The following AGAP1 variants were observed in gnomAD, a reference collection of about 807,000 sequenced individuals.
AGAP1 encodes the protein arf-GAP with GTPase, ANK repeat and PH domain-containing protein 1.
In AGAP1, 29 loss-of-function variants were observed where a neutral mutation model predicts 105.3. That is an observed-to-expected ratio of 0.28 (90% CI 0.21 to 0.38). The LOEUF (loss-of-function observed/expected upper bound fraction) is 0.38, where lower values mean the gene tolerates loss of function less well. Among genes scored for constraint, AGAP1 ranks in the 10% least tolerant of loss-of-function variants. The pLI is 1.00. For synonymous variants in AGAP1, 509 were observed against 485.9 expected (o/e 1.05, Z -0.63); for missense variants, 998 against 1,165.1 (o/e 0.86, Z 2.09).
At position 235,814,683 on chromosome 2, in the gene AGAP1, G is replaced by A. The variant is rs1007377605; in HGVS notation, c.1050+7352G>A. Among the ~76,000 whole-genome samples the A allele has an allele frequency of 2.6e-5, 4 of 152,254 alleles. No individual in the cohort carries two copies. In the East Asian group the frequency reaches 7.7e-4, roughly 29 times the overall value. On this transcript the variant is annotated intron_variant, in intron 9 of 17. Transcript: ENST00000304032. ...GTGAATTCTACTGAGTTAGACAGGA[G>A]AGGGTGAGGGAAGGACAGGGAAATG...
rs115993102 is a variant in AGAP1, at chr2:235,870,275, C to T, written c.1051-13070C>T. Among the ~76,000 whole-genome samples the T allele has an allele frequency of 9.6e-4, 146 of 152,262 alleles. 1 individual carries two copies. Among genetic ancestry groups the T allele is most frequent in the African/African-American group, 3.1e-3 (127 of 41,534 alleles). On this transcript the variant is annotated intron_variant, in intron 9 of 17. Transcript: ENST00000304032. Reference sequence around the variant, plus strand: ...TCCTCCCCATCGGAAGACCACGATACGCAGGGGACAAGTTATCTCACACAC... The same window carrying T: ...TCCTCCCCATCGGAAGACCACGATATGCAGGGGACAAGTTATCTCACACAC...
intron 13 of AGAP1, among the ~76,000 whole-genome samples, chr2:236,024,670 G>A (rs564563902): frequency 2.3e-4 from 35 of 152,300 alleles, no homozygotes; most frequent in East Asian, 1.5e-3. Flanking sequence ...TTGACAGCCC[G>A]GATTCATGTA....
At chr2:235,592,138 T>C (rs1050892396) in intron 1 of AGAP1, among the ~76,000 whole-genome samples, 1 of 152,214 alleles carries the variant, frequency 6.6e-6, no homozygotes, top group Admixed American at 6.5e-5. Context: ...GACAGCGCCC[T>C]GTGGCCAGGA....
intron 1 of AGAP1, among the ~76,000 whole-genome samples, chr2:235,537,266 C>T (rs1172293548): frequency 2.6e-5 from 4 of 152,150 alleles, no homozygotes; most frequent in South Asian, 2.1e-4. Context: ...GGAGCCTGGC[C>T]GGGAAGGTGG....
chr2:235,608,124 A>G lies in AGAP1; in HGVS notation c.164-101055A>G, dbSNP rs1209778043. Among the ~76,000 whole-genome samples the G allele has an allele frequency of 6.6e-6, 1 of 151,618 alleles. No homozygotes were observed. Among genetic ancestry groups the G allele is most frequent in the Admixed American group, 6.6e-5 (1 of 15,210 alleles). On this transcript the variant is annotated intron_variant, in intron 1 of 17. Coordinates refer to ENST00000304032, the MANE Select transcript of AGAP1 (RefSeq NM_001037131.3). This position sits in a 1 kb window ranked among gnomAD's most constrained non-coding sequence, Gnocchi z 5.4. ...GACCGGGTCGTTTTTAGCTTTGCCC[A>G]CTTTTCATTTTTGGCTTCACAGAGT...
At chr2:235,666,583 A>C (rs1379332602) in intron 1 of AGAP1, among the ~76,000 whole-genome samples, 1 of 151,640 alleles carries the variant, frequency 6.6e-6, no homozygotes, top group Non-Finnish European at 1.5e-5. Context: ...TCACAAACAC[A>C]CTGGCTATGG....
intron 11 of AGAP1, among the ~76,000 whole-genome samples, chr2:235,916,918 G>C (rs1446204896): frequency 3.9e-5 from 6 of 152,182 alleles, no homozygotes; most frequent in Admixed American, 3.9e-4. Flanking sequence ...CAGCAAGGGG[G>C]CAGACAGAAG....
intron 1 of AGAP1, among the ~76,000 whole-genome samples, chr2:235,545,962 G>A (rs1943609219): frequency 6.6e-6 from 1 of 152,208 alleles, no homozygotes; most frequent in South Asian, 2.1e-4. Context: ...CCCACCCTTC[G>A]CCCCTAGGCA....
In AGAP1 at chr2:235,893,888, C is replaced by T. The variant is rs775871833; in HGVS notation, c.1155+10439C>T. 1.3e-5 allele frequency among the ~76,000 whole-genome samples: 2 copies of T among 152,152 alleles called. No homozygotes were observed. Among genetic ancestry groups the T allele is most frequent in the African/African-American group, 4.8e-5 (2 of 41,430 alleles). ...CAACATTGACAATCCTGGCTGTGCT[C>T]TACAGATTGTGGTATGATTGAGACT... On this transcript the variant is annotated intron_variant, in intron 10 of 17. Coordinates refer to ENST00000304032, the MANE Select transcript of AGAP1 (RefSeq NM_001037131.3). The surrounding 1 kb of genome is among the most constrained non-coding windows in gnomAD (Gnocchi z 4.7).
intron 9 of AGAP1, among the ~76,000 whole-genome samples, chr2:235,807,789 A>G (rs1421283173): frequency 1.3e-5 from 2 of 152,240 alleles, no homozygotes; most frequent in Non-Finnish European, 2.9e-5. Context: ...TGTGATAATC[A>G]TAGCCGGTGT....
rs180907063 is a variant in AGAP1 at position 236,020,748 on chromosome 2, A to G, written c.1646-15813A>G. Among the ~76,000 whole-genome samples the G allele has an allele frequency of 3.9e-4, 60 of 152,366 alleles. No homozygotes were observed. The East Asian group carries it at 8.3e-3, about 21-fold the overall frequency. On this transcript the variant is annotated intron_variant, in intron 13 of 17. Coordinates refer to ENST00000304032, the MANE Select transcript of AGAP1 (RefSeq NM_001037131.3). This position sits in a 1 kb window ranked among gnomAD's most constrained non-coding sequence, Gnocchi z 5.0. The stretch of plus-strand genomic sequence containing the variant: ...TGCTATACAGACTTATTTAATAGAA[A>G]AATGACCCAAAGACTCCATGGAGAA...
At chr2:235,713,226 T>C (rs887572124) in intron 2 of AGAP1, among the ~76,000 whole-genome samples, 1 of 152,188 alleles carries the variant, frequency 6.6e-6, no homozygotes, top group African/African-American at 2.4e-5. Flanking sequence ...GCATACTGTT[T>C]TGGATTTTCC....
intron 8 of AGAP1, 134 bp from the exon 9 acceptor site, chr2:235,807,105 G>T (rs905186538): frequency 3.9e-6 from 3 of 771,564 alleles, no homozygotes; most frequent in Non-Finnish European, 6.3e-6. Context: ...CTGCTCGTCG[G>T]ACGTGTCTGT....
intron 11 of AGAP1, among the ~76,000 whole-genome samples, chr2:235,909,541 G>A (rs2051474838): frequency 6.6e-6 from 1 of 152,114 alleles, no homozygotes; most frequent in African/African-American, 2.4e-5. Flanking sequence ...GCAAATAATT[G>A]CCCTGTGTCA....
At chr2:235,561,510 G>A (rs78244458) in intron 1 of AGAP1, among the ~76,000 whole-genome samples, 3,131 of 152,240 alleles carry the variant, frequency 0.021, 115 homozygotes, top group African/African-American at 0.072. Flanking sequence ...TTGGAGGGAT[G>A]CTGGGAGAAG....
intron 1 of AGAP1, among the ~76,000 whole-genome samples, chr2:235,545,777 CAG>C (rs1396077665): frequency 1.3e-5 from 2 of 152,232 alleles, no homozygotes; most frequent in African/African-American, 4.8e-5. Flanking sequence ...TTATGCTGGA[CAG>C]AGCTGGATTC....
intron 12 of AGAP1, among the ~76,000 whole-genome samples, 169 bp from the exon 13 acceptor site, chr2:235,968,293 C>G (rs2054489234): frequency 6.6e-6 from 1 of 152,178 alleles, no homozygotes; most frequent in South Asian, 2.1e-4. Flanking sequence ...GAGCCCATCT[C>G]ATACCAGAGG....
Position 235,813,215 on chromosome 2 carries a change from G to A in AGAP1, c.1050+5884G>A, listed in dbSNP as rs139222843. ...TGGCAATGTTGGTGGGTGACAATATGTTCCTCACAAGATGTGCAGAATGTT... is the reference window on the plus strand; with the variant it reads ...TGGCAATGTTGGTGGGTGACAATATATTCCTCACAAGATGTGCAGAATGTT... On this transcript the variant is annotated intron_variant, in intron 9 of 17. Coordinates refer to ENST00000304032, the MANE Select transcript of AGAP1 (RefSeq NM_001037131.3). Among the ~76,000 whole-genome samples the A allele has an allele frequency of 2.9e-3, 435 of 152,322 alleles. 2 individuals carry two copies. Among genetic ancestry groups the A allele is most frequent in the East Asian group, 0.02 (103 of 5,186 alleles).
intron 13 of AGAP1, among the ~76,000 whole-genome samples, chr2:236,011,648 A>C (rs1485204187): frequency 1.3e-5 from 2 of 152,256 alleles, no homozygotes; most frequent in Non-Finnish European, 2.9e-5. Context: ...GAGAAATAAC[A>C]TTAGTAACAA....
Sources: gnomAD v4.1 joint callset for allele counts (sites outside exome capture counted in the v4.1 genomes callset) on GRCh38, gnomAD v4.1.1 for gene constraint, Gnocchi (gnomAD v3.1) non-coding constraint, MANE v1.5 for transcripts, NCBI Gene and HGNC (gene_info 2026-07-23, HGNC 2026-07-21) for gene names.